Variants in DENND4C observed in about 807,000 individuals in gnomAD.
The protein encoded by DENND4C is DENN domain-containing protein 4C.
A neutral mutation model predicts 203.0 loss-of-function variants in DENND4C; 108 were observed. The ratio of observed to expected loss-of-function variants is 0.53; its 90% CI spans 0.46 to 0.62. The LOEUF (loss-of-function observed/expected upper bound fraction) is 0.62. DENND4C is among the 20% of genes least tolerant of loss of function. The pLI is 0.00. For synonymous variants in DENND4C, 871 were observed against 792.4 expected (o/e 1.10, Z -1.67); for missense variants, 2,481 against 2,301.2 (o/e 1.08, Z -1.60).
Position 19,276,217 on chromosome 9 carries a change from G to C in DENND4C, c.43G>C (p.Val15Leu), listed in dbSNP as rs969160653. 4.1e-6 allele frequency: 5 copies of C among 1,232,064 alleles called. No individual in the cohort carries two copies. The highest frequency in any genetic ancestry group is 4.1e-5 in the South Asian group (1 of 24,320). The allele number at this position is 1,232,064 out of a possible 1,614,324, so 76.3% of individuals were successfully genotyped here. Residue 15 changes from valine to leucine, a missense_variant, in exon 2 of 33, where the codon GTA (valine) becomes CTA (leucine). Physicochemically the swap from Val to Leu is conservative, Grantham distance 32. Transcript: ENST00000434457. ...KGPRVTDYFV[V>L]AGLTDTSTLL... ...ACCAAGAGTGACAGACTACTTTGTC[G>C]TAGCTGGTCTCACTGACACATCTAC...
chr9:19,238,416 G>A (rs1268294412), intron 1 of DENND4C, among the ~76,000 whole-genome samples: 6 of 149,022 alleles, frequency 4.0e-5, no homozygotes, highest in Non-Finnish European at 8.9e-5. Context: ...GCAGTCCTTA[G>A]AGATATAGGA....
chr9:19,337,586 T>C lies in DENND4C; in HGVS notation c.2881+754T>C, dbSNP rs1820761433. 3 of 1,248,694 alleles carry C rather than the reference T, an allele frequency of 2.4e-6. No homozygotes were observed. The Admixed American group carries it at 8.5e-5, about 35-fold the overall frequency. The allele number at this position is 1,248,694 out of a possible 1,614,324, so 77.4% of individuals were successfully genotyped here. On this transcript the variant is annotated intron_variant, in intron 20 of 32. Coordinates refer to ENST00000434457, the MANE Select transcript of DENND4C (RefSeq NM_001330640.2). ...GTGCTGCATTTGTCCTTGGCTGTCA[T>C]GGTGTGGGGTGCAGACAGACTTATA...
At chr9:19,301,753 A>G (rs1360938136) in intron 9 of DENND4C, among the ~76,000 whole-genome samples, 1 of 152,200 alleles carries the variant, frequency 6.6e-6, no homozygotes, top group Non-Finnish European at 1.5e-5. Context: ...CCTGGCCAAC[A>G]TGGTGAAACT....
intron 26 of DENND4C, among the ~76,000 whole-genome samples, chr9:19,354,812 C>T (rs1358202087): frequency 6.6e-6 from 1 of 151,870 alleles, no homozygotes; most frequent in Non-Finnish European, 1.5e-5. Context: ...TCCCAAAGTG[C>T]TGGGATTACA....
At chr9:19,333,683 C>G (rs1299518568) in intron 17 of DENND4C, among the ~76,000 whole-genome samples, 1 of 152,166 alleles carries the variant, frequency 6.6e-6, no homozygotes, top group Non-Finnish European at 1.5e-5. Context: ...CATTTTCATG[C>G]ATTTTCTCTC....
intron 1 of DENND4C, among the ~76,000 whole-genome samples, chr9:19,244,045 T>C (rs1400877764): frequency 6.6e-6 from 1 of 152,116 alleles, no homozygotes; most frequent in African/African-American, 2.4e-5. Flanking sequence ...TTTCTTCTTT[T>C]TTTGAGATGG....
At chr9:19,257,270 C>T (rs755312762) in intron 1 of DENND4C, among the ~76,000 whole-genome samples, 4 of 150,044 alleles carry the variant, frequency 2.7e-5, no homozygotes, top group Admixed American at 6.7e-5. Context: ...GTGTGAGAAT[C>T]GCTTAAACCC....
chr9:19,260,971 T>A (rs1829209099), intron 1 of DENND4C, among the ~76,000 whole-genome samples: 2 of 152,066 alleles, frequency 1.3e-5, no homozygotes, highest in African/African-American at 4.8e-5. Context: ...ATCCCCAATA[T>A]TTTCTTGTAG....
At chr9:19,336,194 C>T (rs1180299186) in intron 18 of DENND4C, 76 bp from the exon 19 acceptor site, 12 of 1,246,154 alleles carry the variant, frequency 9.6e-6, no homozygotes, top group African/African-American at 1.6e-5. Context: ...TAAACATACA[C>T]ACACACATAT....
chr9:19,316,351 A>G, intron 10 of DENND4C, 66 bp from the exon 11 acceptor site: 3 of 1,314,270 alleles, frequency 2.3e-6, no homozygotes, highest in Non-Finnish European at 3.2e-6. Context: ...GGTTGATGCA[A>G]GAATTTTGTC....
chr9:19,268,103 AT>A (rs74664928), intron 1 of DENND4C, among the ~76,000 whole-genome samples: 72,032 of 144,138 alleles, frequency 0.5, 18,057 homozygotes, highest in South Asian at 0.66. Flanking sequence ...GTTTTTGGGT[AT>A]TTTTTTTTTT....
At chr9:19,333,424 C>G (rs1207628902) in intron 17 of DENND4C, among the ~76,000 whole-genome samples, 1 of 152,138 alleles carries the variant, frequency 6.6e-6, no homozygotes, top group Non-Finnish European at 1.5e-5. Context: ...TTTTAGGGGC[C>G]TGTCTTGTAC....
Position 19,361,911 on chromosome 9 carries a change from C to T in DENND4C, c.5472C>T (p.Ile1824=), listed in dbSNP as rs1412781436. Residue 1824 remains isoleucine, a synonymous_variant, in exon 30 of 33, where the codon ATC becomes ATT. Transcript: ENST00000434457. ...LVYIQLLWDN[I]NLHQEPREPL... ...ATATTCAGCTGTTATGGGATAATAT[C>T]AACCTTCATCAGGAACCAAGAGAAC... The T allele has an allele frequency of 2.5e-6, 4 of 1,612,508 alleles. No homozygotes were observed. The highest frequency in any genetic ancestry group is 3.4e-6 in the Non-Finnish European group (4 of 1,178,630).
chr9:19,299,114 A>G, intron 7 of DENND4C, 115 bp from the exon 8 acceptor site: 2 of 705,830 alleles, frequency 2.8e-6, no homozygotes, highest in Non-Finnish European at 4.5e-6. Context: ...TAAATTATTA[A>G]TGTTTTCAAT....
intron 31 of DENND4C, among the ~76,000 whole-genome samples, chr9:19,370,961 A>G (rs1171301074): frequency 6.6e-6 from 1 of 152,218 alleles, no homozygotes; most frequent in African/African-American, 2.4e-5. Flanking sequence ...TACTATCAGT[A>G]GTTGAGGTAG....
rs564351093 is a variant in DENND4C at position 19,338,969 on chromosome 9, TATAGAAGTATA to T, written c.2882-2021_2882-2011del. On this transcript the variant is annotated intron_variant, in intron 20 of 32. Coordinates refer to ENST00000434457, the MANE Select transcript of DENND4C (RefSeq NM_001330640.2). ...CCTGATCTTAGTTTTGATTTTAAAG[TATAGAAGTATA>T]AAGTCAAAAAAGACTTTTAAAATAT... is the stretch of plus-strand genomic sequence containing the variant. Among the ~76,000 whole-genome samples, 62 of 152,308 alleles carry T rather than the reference TATAGAAGTATA, an allele frequency of 4.1e-4. 1 individual carries two copies. The South Asian group carries it at 0.011, about 28-fold the overall frequency.
At chr9:19,365,470 A>G (rs1294091093) in intron 30 of DENND4C, among the ~76,000 whole-genome samples, 2 of 152,208 alleles carry the variant, frequency 1.3e-5, no homozygotes, top group Non-Finnish European at 2.9e-5. Flanking sequence ...CACTAAGTAC[A>G]AGTGTAAGAC....
At chr9:19,333,616 G>A (rs1415641728) in intron 17 of DENND4C, among the ~76,000 whole-genome samples, 1 of 152,142 alleles carries the variant, frequency 6.6e-6, no homozygotes, top group Non-Finnish European at 1.5e-5. Flanking sequence ...AGTTAAATCA[G>A]TTAATATACT....
At chr9:19,313,632 A>C (rs1310685675) in intron 10 of DENND4C, among the ~76,000 whole-genome samples, 1 of 152,224 alleles carries the variant, frequency 6.6e-6, no homozygotes, top group African/African-American at 2.4e-5. Flanking sequence ...GAGACGTTAA[A>C]ATATGTCTTT....
Sources: gnomAD v4.1 joint callset for allele counts (sites outside exome capture counted in the v4.1 genomes callset) on GRCh38, gnomAD v4.1.1 for gene constraint, MANE v1.5 for transcripts, NCBI Gene and HGNC (gene_info 2026-07-23, HGNC 2026-07-21) for gene names.